The following ROBO2 variants were observed in gnomAD, a reference collection of about 807,000 sequenced individuals.
ROBO2 encodes roundabout guidance receptor 2.
ROBO2 carries 53 observed loss-of-function variants against 160.8 expected under a neutral mutation model. The ratio of observed to expected loss-of-function variants is 0.33; its 90% CI spans 0.26 to 0.41. The LOEUF (loss-of-function observed/expected upper bound fraction) is 0.41, where lower values mean the gene tolerates loss of function less well. Ranked by LOEUF, ROBO2 falls within the 10% of genes least tolerant of loss-of-function variation. The pLI is 1.00. For synonymous variants in ROBO2, 664 were observed against 611.7 expected (o/e 1.09, Z -1.26); for missense variants, 1,577 against 1,722.4 (o/e 0.92, Z 1.49).
At chr3:77,473,047 A>G (rs1319730078) in intron 2 of ROBO2, among the ~76,000 whole-genome samples, 1 of 152,092 alleles carries the variant, frequency 6.6e-6, no homozygotes, top group Non-Finnish European at 1.5e-5. Flanking sequence ...CCTTGTGCAG[A>G]GGGAGGGGTT....
chr3:76,261,168 A>ATGTGTGTG lies in ROBO2; in HGVS notation c.109+323594_109+323601dup, dbSNP rs66742168. Among the ~76,000 whole-genome samples, 99 of 122,796 alleles carry ATGTGTGTG rather than the reference A, an allele frequency of 8.1e-4. No individual in the cohort carries two copies. The South Asian group carries it at 9.1e-3, about 11-fold the overall frequency. The allele number at this position is 122,796 out of a possible 152,430, so 80.6% of individuals were successfully genotyped here. ...TCAAATTTTTCTTTTAAACTAAATTATGTGTGTGTGTGTGTGTGTGTGTGT... is the reference window on the plus strand; with the variant it reads ...TCAAATTTTTCTTTTAAACTAAATTATGTGTGTGTGTGTGTGTGTGTGTGTGTGTGTGT... On this transcript the variant is annotated intron_variant, in intron 2 of 26. Coordinates refer to the ROBO2 transcript ENST00000487694.
At chr3:76,178,368 T>C (rs749246673) in intron 2 of ROBO2, among the ~76,000 whole-genome samples, 7 of 152,090 alleles carry the variant, frequency 4.6e-5, no homozygotes, top group Non-Finnish European at 8.8e-5. Flanking sequence ...TGCAGTATAC[T>C]CTAGAGGGAA....
At position 77,126,779 on chromosome 3, in the gene ROBO2, CTT is replaced by C. The variant is rs1560066037; in HGVS notation, c.388+28440_388+28441del. On this transcript the variant is annotated intron_variant, in intron 2 of 25. Coordinates refer to ENST00000461745, the Ensembl canonical transcript of ROBO2. ...ATTTCATGTATATTTGATTTTGAAA[CTT>C]CTTTTTTTTTTTTTTTTTTTTTTTT... 1.3e-3 allele frequency among the ~76,000 whole-genome samples: 161 copies of C among 119,800 alleles called. 2 individuals are homozygous for C. The highest frequency in any genetic ancestry group is 4.5e-3 in the African/African-American group (144 of 32,200). The allele number at this position is 119,800 out of a possible 152,430, so 78.6% of individuals were successfully genotyped here. A position where few individuals can be genotyped will look rare whatever the true frequency, so the allele number is the denominator to read the frequency against.
intron 2 of ROBO2, among the ~76,000 whole-genome samples, chr3:77,029,755 G>C (rs2063196630): frequency 6.6e-6 from 1 of 151,996 alleles, no homozygotes; most frequent in Non-Finnish European, 1.5e-5. Context: ...ATACAATTAA[G>C]TTATAATCAG....
At chr3:76,094,191 C>T (rs543314079) in intron 2 of ROBO2, among the ~76,000 whole-genome samples, 25 of 151,944 alleles carry the variant, frequency 1.6e-4, no homozygotes, top group Non-Finnish European at 3.5e-4. Context: ...AGAAATACAC[C>T]CCTCAGAAAG....
intron 2 of ROBO2, among the ~76,000 whole-genome samples, chr3:77,016,858 G>A (rs775259825): frequency 6.6e-6 from 1 of 152,098 alleles, no homozygotes; most frequent in Non-Finnish European, 1.5e-5. Context: ...TTTGTTCAAA[G>A]CATAACTTAG....
At chr3:76,747,963 T>C (rs947013432) in intron 2 of ROBO2, among the ~76,000 whole-genome samples, 2 of 152,118 alleles carry the variant, frequency 1.3e-5, no homozygotes, top group East Asian at 3.9e-4. Context: ...AAAAACATTA[T>C]GTAGATTTAG....
intron 2 of ROBO2, among the ~76,000 whole-genome samples, chr3:77,281,954 C>A (rs932941613): frequency 1.3e-5 from 2 of 152,186 alleles, no homozygotes; most frequent in African/African-American, 4.8e-5. Context: ...TGCTGTGCAG[C>A]CCGTTTCCTA....
chr3:76,224,203 A>G (rs1704145976), intron 2 of ROBO2, among the ~76,000 whole-genome samples: 2 of 152,348 alleles, frequency 1.3e-5, no homozygotes, highest in Non-Finnish European at 2.9e-5. Context: ...AATTTTGAGA[A>G]TGAGTTTTCT....
At chr3:77,567,484 A>G (rs900192361) in intron 12 of ROBO2, among the ~76,000 whole-genome samples, 24 of 152,004 alleles carry the variant, frequency 1.6e-4, no homozygotes, top group Admixed American at 7.2e-4. Context: ...GAGAATATAA[A>G]CCATCATATG....
chr3:77,594,031 A>G (rs1026396405), intron 17 of ROBO2, among the ~76,000 whole-genome samples: 1 of 152,088 alleles, frequency 6.6e-6, no homozygotes, highest in African/African-American at 2.4e-5. Flanking sequence ...TTGTGGTCAG[A>G]ATTGCAGGTT....
intron 2 of ROBO2, among the ~76,000 whole-genome samples, chr3:76,701,673 C>T (rs2107462955): frequency 6.6e-6 from 1 of 152,056 alleles, no homozygotes; most frequent in African/African-American, 2.4e-5. Flanking sequence ...GGCCCAATTT[C>T]CTTTAATAGA....
intron 2 of ROBO2, among the ~76,000 whole-genome samples, chr3:76,946,622 G>A (rs1209840254): frequency 6.6e-6 from 1 of 152,092 alleles, no homozygotes; most frequent in African/African-American, 2.4e-5. Context: ...ATTTTTAGTA[G>A]GGATGAGGTT....
At chr3:77,087,630 T>G (rs1157887661) in intron 1 of ROBO2, among the ~76,000 whole-genome samples, 2 of 152,104 alleles carry the variant, frequency 1.3e-5, no homozygotes, top group Non-Finnish European at 2.9e-5. Context: ...AACAGTTTTC[T>G]AGAAACCTTC....
chr3:75,971,196 A>G (rs1202284816), intron 2 of ROBO2, among the ~76,000 whole-genome samples: 1 of 151,492 alleles, frequency 6.6e-6, no homozygotes, highest in Non-Finnish European at 1.5e-5. Context: ...TAAAAGTAAA[A>G]CACTTGTTAG....
intron 2 of ROBO2, among the ~76,000 whole-genome samples, chr3:77,270,350 T>A (rs1016270366): frequency 9.2e-5 from 14 of 152,312 alleles, no homozygotes; most frequent in Admixed American, 9.1e-4. Context: ...GAAAACTCTG[T>A]GTATATACAT....
intron 2 of ROBO2, among the ~76,000 whole-genome samples, chr3:76,960,319 A>G (rs961962719): frequency 6.6e-6 from 1 of 152,154 alleles, no homozygotes; most frequent in Admixed American, 6.5e-5. Flanking sequence ...TAGAGGTGCT[A>G]TAATTAAAAT....
chr3:77,574,667 C>T, exon 14 of ROBO2: 5 of 1,613,146 alleles, frequency 3.1e-6, no homozygotes, highest in Non-Finnish European at 4.2e-6. Flanking sequence ...TAAAGTACGG[C>T]CATATTTTAA....
intron 8 of ROBO2, among the ~76,000 whole-genome samples, chr3:77,551,597 GTTTA>G (rs2092924047): frequency 1.3e-5 from 2 of 152,050 alleles, no homozygotes; most frequent in African/African-American, 2.4e-5. Context: ...TTTCCCAGCA[GTTTA>G]TTTGTCACAA....
Sources: allele counts gnomAD v4.1 joint callset (sites outside exome capture counted in the v4.1 genomes callset), GRCh38; gene constraint gnomAD v4.1.1; transcripts MANE v1.5; gene names NCBI Gene and HGNC (gene_info 2026-07-23, HGNC 2026-07-21).